The following PHF20 variants were observed in gnomAD, a reference collection of about 807,000 sequenced individuals.
The protein encoded by PHF20 is PHD finger protein 20, also known as glioma-expressed antigen 2.
PHF20 carries 23 observed loss-of-function variants against 113.5 expected under a neutral mutation model. The observed-to-expected ratio is 0.20, with a 90% CI of 0.15 to 0.29. PHF20 has a LOEUF of 0.29. Ranked by LOEUF, PHF20 falls within the 10% of genes least tolerant of loss-of-function variation. PHF20 has a pLI of 1.00. For missense variants in PHF20, 943 were observed against 1,219.6 expected (o/e 0.77, Z 3.38); for synonymous variants, 434 against 457.3 (o/e 0.95, Z 0.65).
In PHF20 at chr20:35,888,040, G is replaced by GTGCGA. The variant is rs1213074069; in HGVS notation, c.1283-11328_1283-11324dup. The stretch of plus-strand genomic sequence containing the variant: ...TTGTTGCCCAGGCTGGAGTGCAATG[G>GTGCGA]TGCGATCTCGGCCCACCGCAACCTC... On this transcript the variant is annotated intron_variant, in intron 9 of 17. Coordinates refer to ENST00000374012, the MANE Select transcript of PHF20 (RefSeq NM_016436.5). 4.0e-5 allele frequency among the ~76,000 whole-genome samples: 6 copies of GTGCGA among 150,970 alleles called. No individual in the cohort carries two copies. The South Asian group carries it at 1.3e-3, about 32-fold the overall frequency.
rs150991597 is a variant in PHF20 at position 35,925,567 on chromosome 20, C to T, written c.2005-2213C>T. ...ACAGGCATGAGCCACTGTGCTTGGC[C>T]GGGACTACATTCTTTTTATAAATTA... On this transcript the variant is annotated intron_variant, in intron 13 of 17. Coordinates refer to ENST00000374012, the MANE Select transcript of PHF20 (RefSeq NM_016436.5). 1.6e-3 allele frequency among the ~76,000 whole-genome samples: 250 copies of T among 152,028 alleles called. 1 individual carries two copies. The highest frequency in any genetic ancestry group is 0.014 in the Middle Eastern group (4 of 294).
intron 1 of PHF20, among the ~76,000 whole-genome samples, chr20:35,787,014 G>C (rs1282434866): frequency 2.1e-5 from 3 of 146,024 alleles, no homozygotes; most frequent in Non-Finnish European, 4.5e-5. Flanking sequence ...TTTGGAGACA[G>C]GGTCTCTTGC....
intron 1 of PHF20, among the ~76,000 whole-genome samples, chr20:35,776,545 T>C (rs116341049): frequency 6.6e-6 from 1 of 152,360 alleles, no homozygotes; most frequent in African/African-American, 2.4e-5. Flanking sequence ...AGACAAAGAC[T>C]ACCTCTGAAA....
At position 35,913,280 on chromosome 20, in the gene PHF20, G is replaced by T; in HGVS notation, c.1593G>T (p.Lys531Asn). Reference protein sequence around the residue: ...TTKDKEKNKEKKFKEFVRVKP... With the variant: ...TTKDKEKNKENKFKEFVRVKP... ...AAGACAAGGAAAAGAATAAAGAGAA[G>T]AAATTCAAGGAGTTTGTGAGAGTGA... The change falls in exon 11 of 18, where the codon AAG becomes AAT. Residue 531 changes from lysine to asparagine, a missense_variant. Lys to Asn is a moderately conservative substitution (Grantham distance 94). This residue lies in a region of PHF20 where 592 missense variants were observed against 787.2 expected (regional missense o/e 0.75). Transcript: ENST00000374012. 6.2e-7 allele frequency: 1 copy of T among 1,601,552 alleles called. No individual in the cohort carries two copies. Among genetic ancestry groups the T allele is most frequent in the Non-Finnish European group, 8.5e-7 (1 of 1,173,256 alleles).
intron 15 of PHF20, among the ~76,000 whole-genome samples, chr20:35,934,284 T>C (rs1261363375): frequency 2.0e-5 from 3 of 152,190 alleles, no homozygotes; most frequent in Admixed American, 6.5e-5. Context: ...GGAGGGAACA[T>C]TGGGTCTGCG....
At chr20:35,870,777 A>G (rs1383887697) in intron 7 of PHF20, among the ~76,000 whole-genome samples, 178 bp from the exon 8 acceptor site, 1 of 152,128 alleles carries the variant, frequency 6.6e-6, no homozygotes, top group East Asian at 1.9e-4. Context: ...TGGCAGGGAC[A>G]CTTTTCCCTT....
At chr20:35,787,983 GGC>G (rs1386065221) in intron 1 of PHF20, among the ~76,000 whole-genome samples, 1 of 151,754 alleles carries the variant, frequency 6.6e-6, no homozygotes, top group African/African-American at 2.4e-5. Context: ...TCACCATTTT[GGC>G]CAGGCTGGTC....
chr20:35,871,748 T>C lies in PHF20; in HGVS notation c.1201T>C (p.Cys401Arg). 1.1e-5 allele frequency: 17 copies of C among 1,613,910 alleles called. No individual in the cohort carries two copies. Among genetic ancestry groups the C allele is most frequent in the Non-Finnish European group, 1.4e-5 (16 of 1,179,842 alleles). Residue 401 changes from cysteine to arginine, a missense_variant, in exon 9 of 18, where the codon TGC becomes CGC. By Grantham distance (180) the Cys-to-Arg change is radical (BLOSUM62 -3). This residue lies in a region of PHF20 where 592 missense variants were observed against 787.2 expected (regional missense o/e 0.75). Coordinates refer to ENST00000374012, the MANE Select transcript of PHF20 (RefSeq NM_016436.5). ...GSGAAGLELN[C>R]PSMGENTMKT... ...CGGGGCTGCAGGCTTGGAGTTGAAC[T>C]GCCCATCAATGGGAGAAAACACGAT...
chr20:35,830,528 A>G (rs898364079), intron 2 of PHF20, among the ~76,000 whole-genome samples: 8 of 152,128 alleles, frequency 5.3e-5, no homozygotes, highest in African/African-American at 1.7e-4. Flanking sequence ...CTTTTTGACT[A>G]CTGGGTTGTC....
chr20:35,946,773 G>A (rs2056093178), intron 17 of PHF20, among the ~76,000 whole-genome samples: 2 of 151,358 alleles, frequency 1.3e-5, no homozygotes, highest in African/African-American at 2.4e-5. Context: ...GCAGTGGCAC[G>A]ATCTCGGCTC....
chr20:35,927,103 A>G (rs2147107251), intron 13 of PHF20, among the ~76,000 whole-genome samples: 1 of 152,026 alleles, frequency 6.6e-6, no homozygotes, highest in African/African-American at 2.4e-5. Context: ...TGTCCCCTCA[A>G]TACTCAGGGA....
chr20:35,809,646 G>A (rs1461329028), intron 2 of PHF20, among the ~76,000 whole-genome samples: 1 of 151,796 alleles, frequency 6.6e-6, no homozygotes, highest in Non-Finnish European at 1.5e-5. Flanking sequence ...CACTTTGGGA[G>A]GGTGAGGTGG....
chr20:35,885,467 C>CTTTTTTTTTTTTTTTTTTTT (rs577878410), intron 9 of PHF20, among the ~76,000 whole-genome samples: 1 of 35,724 alleles, frequency 2.8e-5, no homozygotes, highest in African/African-American at 1.1e-4. Flanking sequence ...GGGGAATAAG[C>CTTTTTTTTTTTTTTTTTTTT]TTTTTTTTTT....
At chr20:35,877,628 A>G (rs891607073) in intron 9 of PHF20, among the ~76,000 whole-genome samples, 21 of 148,456 alleles carry the variant, frequency 1.4e-4, no homozygotes, top group Non-Finnish European at 2.7e-4. Context: ...CCCACGCTGT[A>G]GTACAGTGGT....
chr20:35,914,481 T>C (rs1213372850), intron 12 of PHF20, among the ~76,000 whole-genome samples: 1 of 152,116 alleles, frequency 6.6e-6, no homozygotes, highest in East Asian at 1.9e-4. Context: ...CTCAAAAGCA[T>C]AGACAATAAA....
chr20:35,831,782 G>A (rs116107770), intron 2 of PHF20, among the ~76,000 whole-genome samples: 402 of 152,302 alleles, frequency 2.6e-3, no homozygotes, highest in African/African-American at 9.0e-3. Flanking sequence ...TTATATGGTG[G>A]TCATCTGGTA....
intron 2 of PHF20, among the ~76,000 whole-genome samples, chr20:35,804,104 T>TA (rs1278615130): frequency 2.0e-5 from 3 of 152,088 alleles, no homozygotes; most frequent in Admixed American, 2.0e-4. Flanking sequence ...TGATGGAGTC[T>TA]AGCTCTGTCA....
intron 2 of PHF20, among the ~76,000 whole-genome samples, chr20:35,802,938 GAAAAA>G: frequency 1.4e-5 from 1 of 69,178 alleles, no homozygotes. Flanking sequence ...GACTCGGTCT[GAAAAA>G]AAAAAAAAAA....
At position 35,786,114 on chromosome 20, in the gene PHF20, C is replaced by T. The variant is rs185585955; in HGVS notation, c.-33+14035C>T. Among the ~76,000 whole-genome samples, 1,022 of 146,968 alleles carry T rather than the reference C, an allele frequency of 7.0e-3. 5 individuals carry two copies. Among genetic ancestry groups the T allele is most frequent in the Middle Eastern group, 0.011 (3 of 262 alleles). On this transcript the variant is annotated intron_variant, in intron 1 of 17. Coordinates refer to ENST00000374012, the MANE Select transcript of PHF20 (RefSeq NM_016436.5). The stretch of plus-strand genomic sequence containing the variant: ...TTTAAAAAAAGACTTCCCAGCTGGG[C>T]GTGGTGGCTCACGCCTGTAATCCCA...
Sources: gnomAD v4.1 joint callset for allele counts (sites outside exome capture counted in the v4.1 genomes callset) on GRCh38, gnomAD v4.1.1 for gene constraint, gnomAD v4.1.1 regional missense constraint, MANE v1.5 for transcripts, NCBI Gene and HGNC (gene_info 2026-07-23, HGNC 2026-07-21) for gene names.